Variants in SCYL2 observed in about 807,000 individuals in gnomAD.
SCYL2 encodes SCY1 like pseudokinase 2, also known as SCY1-like protein 2.
SCYL2 carries 36 observed loss-of-function variants against 100.4 expected under a neutral mutation model. The observed-to-expected ratio is 0.36, with a 90% CI of 0.27 to 0.47. SCYL2 has a LOEUF of 0.47. SCYL2 is among the 20% of genes least tolerant of loss of function. The pLI, the probability that SCYL2 is intolerant of heterozygous loss-of-function variation, is 1.00. For synonymous variants in SCYL2, 330 were observed against 359.2 expected (o/e 0.92, Z 0.92); for missense variants, 902 against 1,083.9 (o/e 0.83, Z 2.36).
chr12:100,307,556 G>A lies in SCYL2; in HGVS notation c.481-3488G>A, dbSNP rs58696238. Reference sequence around the variant, plus strand: ...CATAAAAACCCTAGAAGAAAACCTAGGCAATACCATTCAGGACTTAGGCAT... The same window carrying A: ...CATAAAAACCCTAGAAGAAAACCTAAGCAATACCATTCAGGACTTAGGCAT... On this transcript the variant is annotated intron_variant, in intron 4 of 17. Transcript: ENST00000360820. 5.6e-3 allele frequency among the ~76,000 whole-genome samples: 852 copies of A among 152,212 alleles called. 9 individuals carry two copies. The highest frequency in any genetic ancestry group is 0.02 in the African/African-American group (813 of 41,510).
intron 6 of SCYL2, among the ~76,000 whole-genome samples, 159 bp from the exon 7 acceptor site, chr12:100,313,263 A>T (rs1404196443): frequency 6.6e-6 from 1 of 152,226 alleles, no homozygotes; most frequent in Admixed American, 6.5e-5. Flanking sequence ...GGTATTAAAG[A>T]TAAGGGTTTT....
At chr12:100,274,379 GCTTTA>G (rs754441227) in intron 1 of SCYL2, among the ~76,000 whole-genome samples, 1 of 152,136 alleles carries the variant, frequency 6.6e-6, no homozygotes, top group Non-Finnish European at 1.5e-5. Flanking sequence ...TTGTGATAGT[GCTTTA>G]CTTTATCAAA....
rs2135905488 is a variant in SCYL2 at position 100,314,561 on chromosome 12, C to T, written c.1042C>T (p.Gln348Ter). The part of the protein sequence containing the change: ...FDTLFQRDNL[Q>*]KSQFFKGLPK... ...TACCTTATTCCAAAGAGATAATCTT[C>T]AGAAATCACAGTTTTTCAAAGGACT... The change falls in exon 8 of 18, where the codon CAG becomes TAG. Residue 348 changes from glutamine (Q) to a stop codon, truncating the protein, a stop_gained. Transcript: ENST00000360820. LOFTEE classifies it high-confidence loss of function. 6.2e-7 allele frequency: 1 copy of T among 1,601,598 alleles called. No individual in the cohort carries two copies. Among genetic ancestry groups the T allele is most frequent in the Non-Finnish European group, 8.5e-7 (1 of 1,175,604 alleles).
At chr12:100,282,876 A>T (rs2096300396) in intron 1 of SCYL2, 67 bp from the exon 2 acceptor site, 2 of 708,456 alleles carry the variant, frequency 2.8e-6, no homozygotes, top group Non-Finnish European at 4.4e-6. Flanking sequence ...TTTTCAAATT[A>T]AACTATGAAT....
In SCYL2 at chr12:100,267,285, A is replaced by T; in HGVS notation, c.-536A>T. On this transcript the variant is annotated 5_prime_UTR_variant, in exon 1 of 18. An upstream open reading frame in the 5' UTR loses its in-frame stop. Coordinates refer to ENST00000360820, the MANE Select transcript of SCYL2 (RefSeq NM_017988.6). ...CGGGGGCGGCGGAGGATATGGAGTA[A>T]AGCCAGAGTCAGTGGCCAGGCACGA... 1.8e-6 allele frequency: 1 copy of T among 560,002 alleles called. No individual in the cohort carries two copies. The highest frequency in any genetic ancestry group is 4.8e-4 in the Middle Eastern group (1 of 2,082). 34.7% of individuals were successfully genotyped at this position (560,002 alleles called of 1,614,324 possible).
chr12:100,288,363 G>T (rs1201998898), intron 2 of SCYL2, among the ~76,000 whole-genome samples: 1 of 151,686 alleles, frequency 6.6e-6, no homozygotes, highest in Non-Finnish European at 1.5e-5. Context: ...GCCCAGGTTG[G>T]TCTCAAGCCC....
intron 4 of SCYL2, among the ~76,000 whole-genome samples, chr12:100,304,265 C>T (rs535127123): frequency 1.9e-4 from 29 of 151,820 alleles, no homozygotes; most frequent in Admixed American, 5.9e-4. Flanking sequence ...GGGGAGTGAA[C>T]GGTTCTGTCT....
At chr12:100,301,755 T>C (rs1278526923) in intron 4 of SCYL2, among the ~76,000 whole-genome samples, 1 of 152,250 alleles carries the variant, frequency 6.6e-6, no homozygotes, top group Non-Finnish European at 1.5e-5. Flanking sequence ...CACTTGGTGC[T>C]CTTCCCTGCT....
intron 13 of SCYL2, 48 bp downstream of exon 13, chr12:100,329,367 C>A (rs767924648): frequency 1.1e-6 from 1 of 891,464 alleles, no homozygotes; most frequent in South Asian, 1.4e-5. Context: ...TTACTTTTTT[C>A]TTGGCATTAG....
chr12:100,293,459 G>A (rs1425869881), intron 3 of SCYL2, among the ~76,000 whole-genome samples: 3 of 151,856 alleles, frequency 2.0e-5, no homozygotes, highest in Non-Finnish European at 4.4e-5. Context: ...TTCTATCAGC[G>A]TCTCTAGTGT....
chr12:100,316,624 A>C (rs1032399915), intron 9 of SCYL2, among the ~76,000 whole-genome samples: 35 of 152,216 alleles, frequency 2.3e-4, no homozygotes, highest in Non-Finnish European at 4.0e-4. Context: ...GAATTAGGGA[A>C]AGAACAAGTG....
At position 100,329,324 on chromosome 12, in the gene SCYL2, G is replaced by A. The variant is rs1212199429; in HGVS notation, c.1761+5G>A. 1 of 1,347,232 alleles carries A rather than the reference G, an allele frequency of 7.4e-7. No homozygotes were observed. Among genetic ancestry groups the A allele is most frequent in the African/African-American group, 1.4e-5 (1 of 69,792 alleles). 83.5% of individuals were successfully genotyped at this position (1,347,232 alleles called of 1,614,324 possible). The stretch of plus-strand genomic sequence containing the variant: ...AACAATCTTAATCTTAATCAGGTAG[G>A]AGTATTTTTGTGCTTTATTCATTTT... On this transcript the variant is annotated splice_donor_5th_base_variant and intron_variant, in intron 13 of 17. Transcript: ENST00000360820.
chr12:100,336,814 C>T (rs560461118), intron 16 of SCYL2, among the ~76,000 whole-genome samples: 1 of 152,226 alleles, frequency 6.6e-6, no homozygotes, highest in South Asian at 2.1e-4. Context: ...CAGTTTGTGA[C>T]TTCTGCTGAG....
chr12:100,311,327 T>C, intron 5 of SCYL2, 134 bp downstream of exon 5: 1 of 753,522 alleles, frequency 1.3e-6, no homozygotes, highest in Non-Finnish European at 1.9e-6. Flanking sequence ...ATAGTGTTCA[T>C]TGCACTTAAG....
intron 12 of SCYL2, among the ~76,000 whole-genome samples, chr12:100,327,410 C>T (rs1407890982): frequency 1.3e-5 from 2 of 152,046 alleles, no homozygotes; most frequent in East Asian, 3.8e-4. Context: ...TATAGAAGTC[C>T]AATCTGAAAA....
Position 100,314,490 on chromosome 12 carries a change from T to A in SCYL2, c.971T>A (p.Ile324Asn). Residue 324 changes from isoleucine (I) to asparagine (N), a missense_variant and splice_region_variant, in exon 8 of 18, where the codon ATT becomes AAT. Ile to Asn is a moderately radical substitution (Grantham distance 149, BLOSUM62 -3). Coordinates refer to ENST00000360820, the MANE Select transcript of SCYL2 (RefSeq NM_017988.6). ...VRPDADQMTK[I>N]PFFDDVGAVT... ...ATACTTTATTTCCATTTTTTTTAGA[T>A]TCCCTTCTTTGATGATGTTGGTGCA... The A allele has an allele frequency of 6.3e-7, 1 of 1,578,386 alleles. No individual in the cohort carries two copies. The highest frequency in any genetic ancestry group is 1.8e-5 in the Admixed American group (1 of 56,208).
chr12:100,269,092 AAT>A (rs1218539185), intron 1 of SCYL2, among the ~76,000 whole-genome samples: 29 of 152,166 alleles, frequency 1.9e-4, no homozygotes, highest in African/African-American at 7.0e-4. Flanking sequence ...ATGCAGACCT[AAT>A]AACATTGTCT....
At chr12:100,318,030 A>G (rs1022469517) in intron 10 of SCYL2, 105 bp downstream of exon 10, 19 of 966,938 alleles carry the variant, frequency 2.0e-5, no homozygotes, top group East Asian at 1.6e-4. Context: ...ACATAACTCA[A>G]TAGTAAATAT....
At chr12:100,293,632 A>G (rs2096313265) in intron 3 of SCYL2, among the ~76,000 whole-genome samples, 1 of 151,756 alleles carries the variant, frequency 6.6e-6, no homozygotes, top group South Asian at 2.1e-4. Flanking sequence ...CAGCTAAACA[A>G]GTGAACAAAG....
Sources: allele counts gnomAD v4.1 joint callset (sites outside exome capture counted in the v4.1 genomes callset), GRCh38; gene constraint gnomAD v4.1.1; transcripts MANE v1.5; gene names NCBI Gene and HGNC (gene_info 2026-07-23, HGNC 2026-07-21).